Variants in ATG7 observed in about 807,000 individuals in gnomAD.
ATG7 encodes ubiquitin-like modifier-activating enzyme ATG7.
ATG7 carries 70 observed loss-of-function variants against 82.4 expected under a neutral mutation model. The observed-to-expected ratio is 0.85, with a 90% CI of 0.70 to 1.04. The LOEUF (loss-of-function observed/expected upper bound fraction) is 1.04, where lower values mean the gene tolerates loss of function less well. ATG7 is among the 50% of genes least tolerant of loss of function. ATG7 has a pLI of 0.00. For synonymous variants in ATG7, 287 were observed against 313.0 expected, an observed-to-expected ratio of 0.92 and a Z score of 0.88; for missense variants, 792 against 864.3, an observed-to-expected ratio of 0.92 and a Z score of 1.05.
At chr3:11,473,270 A>C (rs1487296889) in intron 20 of ATG7, among the ~76,000 whole-genome samples, 1 of 152,180 alleles carries the variant, frequency 6.6e-6, no homozygotes, top group Non-Finnish European at 1.5e-5. Flanking sequence ...CTGCAGCCAC[A>C]TAGTATTTTC....
downstream of ATG7, among the ~76,000 whole-genome samples, chr3:11,561,603 C>T (rs747155649): frequency 1.3e-5 from 2 of 152,198 alleles, no homozygotes; most frequent in South Asian, 2.1e-4. Flanking sequence ...GGCTGGGACT[C>T]GTCCACCTAG....
At chr3:11,504,153 G>C (rs1269632959) in intron 20 of ATG7, among the ~76,000 whole-genome samples, 1 of 152,104 alleles carries the variant, frequency 6.6e-6, no homozygotes, top group Non-Finnish European at 1.5e-5. Flanking sequence ...CAGTCGAGAG[G>C]GGGAAAAAAG....
chr3:11,487,042 G>C (rs1436579469), intron 20 of ATG7, among the ~76,000 whole-genome samples: 1 of 151,274 alleles, frequency 6.6e-6, no homozygotes, highest in Non-Finnish European at 1.5e-5. Flanking sequence ...GACTCTTAAC[G>C]AGCATGCTGC....
intron 19 of ATG7, among the ~76,000 whole-genome samples, chr3:11,389,560 C>T (rs896448313): frequency 4.0e-5 from 6 of 150,266 alleles, no homozygotes; most frequent in Non-Finnish European, 7.4e-5. Context: ...CATACTAAAA[C>T]GGGAAAATAC....
intron 11 of ATG7, among the ~76,000 whole-genome samples, chr3:11,337,845 C>A (rs1046842299): frequency 5.9e-5 from 9 of 151,894 alleles, no homozygotes; most frequent in African/African-American, 2.2e-4. Flanking sequence ...TTATTTTTGT[C>A]TAATAATTTC....
intron 18 of ATG7, among the ~76,000 whole-genome samples, chr3:11,371,903 C>T (rs2077020956): frequency 6.6e-6 from 1 of 151,430 alleles, no homozygotes; most frequent in African/African-American, 2.4e-5. Flanking sequence ...GCTAATTAGA[C>T]ACGCACAGGT....
chr3:11,550,310 G>A (rs1219269656), intron 20 of ATG7, among the ~76,000 whole-genome samples: 1 of 148,978 alleles, frequency 6.7e-6, no homozygotes, highest in Non-Finnish European at 1.5e-5. Flanking sequence ...TTTTTTTTCT[G>A]TTTAAGGGCC....
chr3:11,568,425 C>G, the ATG7 span, among the ~76,000 whole-genome samples: 1 of 152,336 alleles, frequency 6.6e-6, no homozygotes, highest in African/African-American at 2.4e-5. This position sits in a 1 kb window ranked among gnomAD's most constrained non-coding sequence, Gnocchi z 5.9. Flanking sequence ...CACAGCCCCA[C>G]TGTGCGCCCA....
At chr3:11,438,845 C>T (rs1393742555) in intron 20 of ATG7, among the ~76,000 whole-genome samples, 1 of 152,066 alleles carries the variant, frequency 6.6e-6, no homozygotes, top group Non-Finnish European at 1.5e-5. Context: ...GCCTAACTTC[C>T]TGGCTTCACA....
intron 20 of ATG7, among the ~76,000 whole-genome samples, chr3:11,440,673 G>GTTTT (rs2083836620): frequency 6.1e-5 from 2 of 32,708 alleles, no homozygotes; most frequent in African/African-American, 2.3e-4. Flanking sequence ...GTCCCCATTT[G>GTTTT]CTTTTTTTTT....
At chr3:11,538,982 G>A (rs552486451) in intron 20 of ATG7, among the ~76,000 whole-genome samples, 3 of 152,260 alleles carry the variant, frequency 2.0e-5, no homozygotes, top group Non-Finnish European at 2.9e-5. Flanking sequence ...CATGGAGAAG[G>A]GATCTGAGCT....
At chr3:11,336,186 G>A (rs935542045) in intron 11 of ATG7, among the ~76,000 whole-genome samples, 4 of 111,024 alleles carry the variant, frequency 3.6e-5, no homozygotes, top group African/African-American at 1.1e-4. Flanking sequence ...GGTACACGCC[G>A]CCACACATGG....
intron 19 of ATG7, among the ~76,000 whole-genome samples, chr3:11,419,585 C>T (rs565561950): frequency 3.3e-5 from 5 of 152,112 alleles, no homozygotes; most frequent in African/African-American, 1.2e-4. Flanking sequence ...CACTACAAAC[C>T]CATTTTGCTT....
intron 20 of ATG7, among the ~76,000 whole-genome samples, chr3:11,455,086 A>G (rs2085573402): frequency 6.6e-6 from 1 of 152,240 alleles, no homozygotes; most frequent in South Asian, 2.1e-4. Flanking sequence ...GTTTAACAAC[A>G]ATTACTATAC....
intron 9 of ATG7, among the ~76,000 whole-genome samples, chr3:11,318,872 G>T (rs1490722295): frequency 1.3e-5 from 2 of 152,164 alleles, no homozygotes; most frequent in Non-Finnish European, 2.9e-5. Flanking sequence ...CATTACCCCA[G>T]GAAGCACTGG....
chr3:11,335,235 T>G lies in ATG7; in HGVS notation c.889+2142T>G, dbSNP rs529779042. ...ATTCTAAAATAGCTCCTGTGTAATGTTAACTTACATGCTATACCTTTGTTT... is the reference window on the plus strand; with the variant it reads ...ATTCTAAAATAGCTCCTGTGTAATGGTAACTTACATGCTATACCTTTGTTT... On this transcript the variant is annotated intron_variant, in intron 11 of 20. Coordinates refer to ENST00000693202, the MANE Select transcript of ATG7 (RefSeq NM_001349232.2). Among the ~76,000 whole-genome samples, 10 of 152,038 alleles carry G rather than the reference T, an allele frequency of 6.6e-5. 1 individual carries two copies. In the South Asian group the frequency reaches 2.1e-3, roughly 32 times the overall value.
At chr3:11,496,380 T>C (rs1013491625) in intron 20 of ATG7, among the ~76,000 whole-genome samples, 4 of 152,134 alleles carry the variant, frequency 2.6e-5, no homozygotes, top group East Asian at 3.8e-4. Flanking sequence ...ATCCTGCAAG[T>C]TTCCCAAGGA....
intron 20 of ATG7, among the ~76,000 whole-genome samples, chr3:11,521,952 T>C (rs2092454792): frequency 6.6e-6 from 1 of 152,188 alleles, no homozygotes; most frequent in Non-Finnish European, 1.5e-5. Flanking sequence ...CCTACTGGTA[T>C]GGCACTCAAC....
At chr3:11,499,365 T>A (rs1177696694) in intron 20 of ATG7, among the ~76,000 whole-genome samples, 1 of 152,148 alleles carries the variant, frequency 6.6e-6, no homozygotes, top group Non-Finnish European at 1.5e-5. Context: ...GAATGCAGAT[T>A]GAACTAATGT....
Sources: gnomAD v4.1 joint callset for allele counts (sites outside exome capture counted in the v4.1 genomes callset) on GRCh38, gnomAD v4.1.1 for gene constraint, Gnocchi (gnomAD v3.1) non-coding constraint, MANE v1.5 for transcripts, NCBI Gene and HGNC (gene_info 2026-07-23, HGNC 2026-07-21) for gene names.